The following NGEF variants were observed in gnomAD, a reference collection of about 807,000 sequenced individuals.
NGEF encodes neuronal guanine nucleotide exchange factor.
Under a neutral mutation model 80.9 loss-of-function variants are expected in NGEF, and 31 were observed. That is an observed-to-expected ratio of 0.38 (90% CI 0.29 to 0.52). The LOEUF is 0.52. NGEF is among the 20% of genes least tolerant of loss of function. The probability of loss-of-function intolerance (pLI) is 0.84; values close to 1 mark genes in which losing one functional copy is unlikely to be tolerated. For synonymous variants in NGEF, 371 were observed against 370.2 expected (o/e 1.00, Z -0.03); for missense variants, 709 against 926.2 (o/e 0.77, Z 3.04).
chr2:232,927,298 G>T (rs1282819927), intron 3 of NGEF, 112 bp from the exon 4 acceptor site: 2 of 1,242,158 alleles, frequency 1.6e-6, no homozygotes, highest in Non-Finnish European at 2.2e-6. Flanking sequence ...GACCTTACCC[G>T]GGACCGTCCA....
At position 233,000,725 on chromosome 2, in the gene NGEF, A is replaced by G. The variant is rs1261619700; in HGVS notation, c.-75+12343T>C. 3.3e-5 allele frequency among the ~76,000 whole-genome samples: 5 copies of G among 149,478 alleles called. No individual in the cohort carries two copies. In the South Asian group the frequency reaches 6.4e-4, roughly 19 times the overall value. ...CAGTGAGCCGAGATCGCGCCACTGC[A>G]CTCCAGCTCGGGCGACAGAGCGAGA... is the stretch of plus-strand genomic sequence containing the variant. On this transcript the variant is annotated intron_variant, in intron 1 of 14. Coordinates refer to ENST00000264051, the MANE Select transcript of NGEF (RefSeq NM_019850.3).
intron 3 of NGEF, among the ~76,000 whole-genome samples, chr2:232,957,038 T>C (rs1007728134): frequency 3.3e-5 from 5 of 151,896 alleles, no homozygotes; most frequent in Non-Finnish European, 7.4e-5. Flanking sequence ...GTGGTAATTA[T>C]GATAAAGCTA....
intron 3 of NGEF, among the ~76,000 whole-genome samples, chr2:232,951,013 G>A (rs778365593): frequency 2.6e-5 from 4 of 152,140 alleles, no homozygotes; most frequent in African/African-American, 7.2e-5. Flanking sequence ...CAGACCCAGC[G>A]GCGTCCGGCA....
rs551711816 is a variant in NGEF, at chr2:232,939,975, C to T, written c.384-12789G>A. Among the ~76,000 whole-genome samples, 28 of 150,038 alleles carry T rather than the reference C, an allele frequency of 1.9e-4. No individual in the cohort carries two copies. In the East Asian group the frequency reaches 2.2e-3, roughly 12 times the overall value. ...TCATGTCACTGCACTCCAGCCCGAG[C>T]GACAGAGTGGGACTCCATCTTAAAA... On this transcript the variant is annotated intron_variant, in intron 3 of 14. Coordinates refer to ENST00000264051, the MANE Select transcript of NGEF (RefSeq NM_019850.3).
chr2:232,923,089 CAAA>C (rs200159732), intron 4 of NGEF, among the ~76,000 whole-genome samples: 1,539 of 151,800 alleles, frequency 0.01, 29 homozygotes, highest in African/African-American at 0.035. Flanking sequence ...AAACAAAAAA[CAAA>C]CAACAACAAC....
intron 3 of NGEF, among the ~76,000 whole-genome samples, chr2:232,945,669 T>TG (rs111599794): frequency 0.095 from 14,486 of 152,150 alleles, 864 homozygotes; most frequent in African/African-American, 0.17. Flanking sequence ...TGTCTTGCTT[T>TG]GGCACTTCTG....
chr2:232,879,501 C>G lies in NGEF; in HGVS notation c.2121G>C (p.Arg707=). The part of the protein sequence containing the change: ...QNKDRRKLGS[R]NRQ ...CCCTGGGTGGGGGTCATTGCCGATTCCGGCTGCCCAGCTTCCTGCGGTCCT... is the reference window on the plus strand; with the variant it reads ...CCCTGGGTGGGGGTCATTGCCGATTGCGGCTGCCCAGCTTCCTGCGGTCCT... Residue 707 remains arginine (R), a synonymous_variant, in exon 15 of 15, where the codon CGG becomes CGC. Coordinates refer to ENST00000264051, the MANE Select transcript of NGEF (RefSeq NM_019850.3). The G allele has an allele frequency of 6.2e-7, 1 of 1,601,040 alleles. No individual in the cohort carries two copies. The highest frequency in any genetic ancestry group is 1.3e-5 in the African/African-American group (1 of 74,508).
At chr2:233,003,438 C>G (rs528007921) in intron 1 of NGEF, among the ~76,000 whole-genome samples, 1 of 152,198 alleles carries the variant, frequency 6.6e-6, no homozygotes, top group Non-Finnish European at 1.5e-5. Context: ...GGCAATGGTT[C>G]GCAGCTTAGA....
chr2:233,000,130 C>G (rs531937145), intron 1 of NGEF, among the ~76,000 whole-genome samples: 1 of 152,154 alleles, frequency 6.6e-6, no homozygotes, highest in Non-Finnish European at 1.5e-5. Flanking sequence ...CTCACTGGGC[C>G]TTTCACCCAC....
chr2:232,944,726 A>AATATATATATATATATATAT lies in NGEF; in HGVS notation c.384-17560_384-17541dup, dbSNP rs57851903. 1.2e-3 allele frequency among the ~76,000 whole-genome samples: 133 copies of AATATATATATATATATATAT among 108,640 alleles called. 1 individual carries two copies. The highest frequency in any genetic ancestry group is 3.2e-3 in the South Asian group (10 of 3,120). The allele number at this position is 108,640 out of a possible 152,430, so 71.3% of individuals were successfully genotyped here. On this transcript the variant is annotated intron_variant, in intron 3 of 14. Transcript: ENST00000264051. ...TGGGCTAGGGGATAAGACTTTTCCG[A>AATATATATATATATATATAT]ATATATATATATATATATATATATA... is the stretch of plus-strand genomic sequence containing the variant.
chr2:232,985,778 A>T (rs1694520569), intron 1 of NGEF, among the ~76,000 whole-genome samples: 1 of 151,520 alleles, frequency 6.6e-6, no homozygotes, highest in Admixed American at 6.6e-5. Context: ...AAACAAAACA[A>T]AAACCCAAAA....
chr2:232,885,100 T>C lies in NGEF; in HGVS notation c.1437+180A>G, dbSNP rs1287645408. On this transcript the variant is annotated intron_variant, in intron 10 of 14. Transcript: ENST00000264051. ...AGATCCGGACCACCGTGGTGGTGTC[T>C]GACGCCTGGTGGCAGGCGGGGTGGC... 6 of 602,690 alleles carry C rather than the reference T, an allele frequency of 1.0e-5. 1 individual carries two copies. Among genetic ancestry groups the C allele is most frequent in the Non-Finnish European group, 1.8e-5 (6 of 338,738 alleles). 37.3% of individuals were successfully genotyped at this position (602,690 alleles called of 1,614,324 possible).
chr2:232,966,163 A>G (rs376225488), intron 3 of NGEF, among the ~76,000 whole-genome samples: 6 of 152,020 alleles, frequency 3.9e-5, no homozygotes, highest in East Asian at 3.9e-4. Flanking sequence ...CTTGCTCCAT[A>G]TTCTCCCCAC....
At position 232,928,235 on chromosome 2, in the gene NGEF, A is replaced by T. The variant is rs1361020165; in HGVS notation, c.384-1049T>A. 4.4e-6 allele frequency: 4 copies of T among 909,404 alleles called. No individual in the cohort carries two copies. In the African/African-American group the frequency reaches 7.5e-5, roughly 17 times the overall value. 56.3% of individuals were successfully genotyped at this position (909,404 alleles called of 1,614,324 possible). ...GGGAGGGGCGCGCGCGGCGGGGGCG[A>T]GGCCGGGCGGCGGCGGGGCGGGGGC... is the stretch of plus-strand genomic sequence containing the variant. On this transcript the variant is annotated intron_variant, in intron 3 of 14. Coordinates refer to ENST00000264051, the MANE Select transcript of NGEF (RefSeq NM_019850.3).
chr2:232,977,386 C>G lies in NGEF; in HGVS notation c.-74-2422G>C, dbSNP rs1694317212. Among the ~76,000 whole-genome samples, 4 of 152,154 alleles carry G rather than the reference C, an allele frequency of 2.6e-5. No homozygotes were observed. The South Asian group carries it at 8.3e-4, about 32-fold the overall frequency. On this transcript the variant is annotated intron_variant, in intron 1 of 14. Transcript: ENST00000264051. The stretch of plus-strand genomic sequence containing the variant: ...AGTGTAAGGCGGAGACCATGAGTGT[C>G]CGAGCTCCCCAGAGATGGGGGTGCT...
intron 1 of NGEF, among the ~76,000 whole-genome samples, chr2:232,980,008 G>A (rs1259699589): frequency 6.6e-6 from 1 of 152,176 alleles, no homozygotes; most frequent in Non-Finnish European, 1.5e-5. Flanking sequence ...TCGCATGGCT[G>A]GCAAATGGTG....
At chr2:232,982,453 A>C (rs1230529183) in intron 1 of NGEF, among the ~76,000 whole-genome samples, 2 of 152,132 alleles carry the variant, frequency 1.3e-5, no homozygotes, top group African/African-American at 4.8e-5. Flanking sequence ...TCATTTCCAC[A>C]TTCCTTCCTG....
intron 3 of NGEF, among the ~76,000 whole-genome samples, chr2:232,951,726 C>T (rs886084712): frequency 4.6e-5 from 7 of 152,160 alleles, no homozygotes; most frequent in African/African-American, 9.7e-5. Flanking sequence ...GTCTGAAACC[C>T]CTCCCCATTC....
intron 1 of NGEF, among the ~76,000 whole-genome samples, chr2:233,009,232 C>T (rs922284677): frequency 2.6e-5 from 4 of 152,190 alleles, no homozygotes; most frequent in African/African-American, 9.7e-5. Flanking sequence ...TCATGAGACC[C>T]ACTTCACAGT....
Sources: allele counts gnomAD v4.1 joint callset (sites outside exome capture counted in the v4.1 genomes callset), GRCh38; gene constraint gnomAD v4.1.1; transcripts MANE v1.5; gene names NCBI Gene and HGNC (gene_info 2026-07-23, HGNC 2026-07-21).